The following CTNNA2 variants were observed in gnomAD, a reference collection of about 807,000 sequenced individuals.
The protein encoded by CTNNA2 is catenin alpha 2, also known as catenin alpha-2.
A neutral mutation model predicts 101.0 loss-of-function variants in CTNNA2; 42 were observed. The observed-to-expected ratio is 0.42, with a 90% CI of 0.32 to 0.54. The LOEUF (loss-of-function observed/expected upper bound fraction) is 0.54. Among genes scored for constraint, CTNNA2 ranks in the 20% least tolerant of loss-of-function variants. The probability of loss-of-function intolerance (pLI) is 0.14; values close to 1 mark genes in which losing one functional copy is unlikely to be tolerated. For missense variants in CTNNA2, 871 were observed against 1,223.1 expected, an observed-to-expected ratio of 0.71 and a Z score of 4.29; for synonymous variants, 450 against 456.4, an observed-to-expected ratio of 0.99 and a Z score of 0.18.
chr2:79,611,328 C>T (rs907916021), intron 1 of CTNNA2, among the ~76,000 whole-genome samples: 8 of 152,098 alleles, frequency 5.3e-5, no homozygotes, highest in African/African-American at 1.7e-4. Flanking sequence ...CCATACTTTT[C>T]TGTTTCACAC....
chr2:80,469,682 T>C (rs983100478), intron 9 of CTNNA2, among the ~76,000 whole-genome samples: 1 of 152,168 alleles, frequency 6.6e-6, no homozygotes, highest in South Asian at 2.1e-4. Context: ...TATGTCTGTC[T>C]GTTGGACCTT....
At chr2:80,467,724 G>A (rs1243885065) in intron 9 of CTNNA2, among the ~76,000 whole-genome samples, 1 of 152,026 alleles carries the variant, frequency 6.6e-6, no homozygotes, top group Non-Finnish European at 1.5e-5. Flanking sequence ...AATAATATGG[G>A]GGCTTTTGGA....
At chr2:80,646,955 C>CATA (rs1674164460) in intron 18 of CTNNA2, among the ~76,000 whole-genome samples, 2 of 152,144 alleles carry the variant, frequency 1.3e-5, no homozygotes, top group Admixed American at 6.6e-5. Flanking sequence ...ACAAATTTCT[C>CATA]ATAATAGTAT....
chr2:79,976,654 C>G (rs1690865260), intron 7 of CTNNA2, among the ~76,000 whole-genome samples: 1 of 152,110 alleles, frequency 6.6e-6, no homozygotes, highest in Admixed American at 6.5e-5. Context: ...TCACAGTGAC[C>G]TGAAAGGTAT....
chr2:79,205,434 G>C (rs1298393505), intron 2 of CTNNA2, among the ~76,000 whole-genome samples: 2 of 152,146 alleles, frequency 1.3e-5, no homozygotes, highest in African/African-American at 4.8e-5. Flanking sequence ...TTGTTACTCA[G>C]CAATAGATAG....
intron 7 of CTNNA2, among the ~76,000 whole-genome samples, chr2:80,346,455 G>A (rs1049376726): frequency 5.3e-5 from 8 of 152,184 alleles, no homozygotes; most frequent in African/African-American, 1.4e-4. Flanking sequence ...GATGGCACAA[G>A]CCATTCATGA....
chr2:79,515,605 T>C (rs2103844339), intron 1 of CTNNA2, among the ~76,000 whole-genome samples: 1 of 152,318 alleles, frequency 6.6e-6, no homozygotes, highest in East Asian at 1.9e-4. Context: ...ACATACCAAG[T>C]TATTAAAGAA....
chr2:80,414,179 G>T (rs1470145667), intron 8 of CTNNA2, among the ~76,000 whole-genome samples: 1 of 152,176 alleles, frequency 6.6e-6, no homozygotes, highest in East Asian at 1.9e-4. Flanking sequence ...ATTAGTAGTA[G>T]CTACTTGGAG....
chr2:79,680,660 A>G (rs1205846078), intron 2 of CTNNA2, among the ~76,000 whole-genome samples: 1 of 152,172 alleles, frequency 6.6e-6, no homozygotes, highest in Admixed American at 6.5e-5. Flanking sequence ...TCAGTGAGGT[A>G]CTATTGATTC....
intron 1 of CTNNA2, among the ~76,000 whole-genome samples, chr2:79,579,636 A>G (rs1174925773): frequency 2.0e-5 from 3 of 151,992 alleles, no homozygotes; most frequent in Non-Finnish European, 2.9e-5. Context: ...TTTTTTCGAG[A>G]TGGAGTTCAC....
chr2:79,652,632 C>A (rs1475315788), intron 2 of CTNNA2, among the ~76,000 whole-genome samples: 1 of 152,134 alleles, frequency 6.6e-6, no homozygotes, highest in African/African-American at 2.4e-5. Context: ...CAGAAAAATC[C>A]TCCCATCTCA....
chr2:79,632,352 T>C (rs536455414), intron 1 of CTNNA2, among the ~76,000 whole-genome samples: 14 of 152,318 alleles, frequency 9.2e-5, no homozygotes, highest in South Asian at 4.1e-4. Flanking sequence ...GAACTTGGAA[T>C]ATTCAGTTTG....
At chr2:79,274,236 A>T (rs12622013) in intron 2 of CTNNA2, among the ~76,000 whole-genome samples, 2 of 151,904 alleles carry the variant, frequency 1.3e-5, no homozygotes, top group Non-Finnish European at 2.9e-5. Context: ...TATTTTAAAG[A>T]TGAGGAAACA....
intron 1 of CTNNA2, among the ~76,000 whole-genome samples, chr2:79,521,224 C>T (rs1672107024): frequency 6.9e-6 from 1 of 145,726 alleles, no homozygotes; most frequent in Non-Finnish European, 1.5e-5. Flanking sequence ...AAGGGGAATA[C>T]ATTGGAAAAG....
chr2:80,387,207 T>A (rs1467009261), intron 7 of CTNNA2, among the ~76,000 whole-genome samples: 1 of 152,044 alleles, frequency 6.6e-6, no homozygotes, highest in South Asian at 2.1e-4. Flanking sequence ...GAGAATGGCA[T>A]GAACCCGGGA....
At chr2:79,286,388 G>A (rs548499897) in intron 2 of CTNNA2, among the ~76,000 whole-genome samples, 184 of 152,238 alleles carry the variant, frequency 1.2e-3, no homozygotes, top group Non-Finnish European at 2.0e-3. Context: ...GCAGCGGCTG[G>A]TACCAGTTGT....
At chr2:80,342,738 A>T (rs1361809335) in intron 7 of CTNNA2, among the ~76,000 whole-genome samples, 2 of 152,200 alleles carry the variant, frequency 1.3e-5, no homozygotes, top group African/African-American at 4.8e-5. Context: ...TTAATGTTTT[A>T]ACAAAGACCT....
At chr2:80,558,173 T>C (rs1693212707) in intron 12 of CTNNA2, among the ~76,000 whole-genome samples, 1 of 152,210 alleles carries the variant, frequency 6.6e-6, no homozygotes, top group Non-Finnish European at 1.5e-5. Flanking sequence ...GAAAAGTGGG[T>C]GTCAGTGGAC....
intron 7 of CTNNA2, among the ~76,000 whole-genome samples, chr2:80,271,391 C>A (rs561467569): frequency 3.3e-5 from 5 of 151,576 alleles, no homozygotes; most frequent in Non-Finnish European, 7.4e-5. Flanking sequence ...ACAAATTATA[C>A]CACATTGACC....
Sources: allele counts gnomAD v4.1 joint callset (sites outside exome capture counted in the v4.1 genomes callset), GRCh38; gene constraint gnomAD v4.1.1; transcripts MANE v1.5; gene names NCBI Gene and HGNC (gene_info 2026-07-23, HGNC 2026-07-21).